The following SOX5 variants were observed in gnomAD, a reference collection of about 807,000 sequenced individuals.
SOX5 encodes the protein SRY-box transcription factor 5.
Under a neutral mutation model 92.0 loss-of-function variants are expected in SOX5, and 9 were observed. That is an observed-to-expected ratio of 0.10 (90% CI 0.06 to 0.17). The LOEUF (loss-of-function observed/expected upper bound fraction) is 0.17. SOX5 is among the 10% of genes least tolerant of loss of function. The pLI, the probability that SOX5 is intolerant of heterozygous loss-of-function variation, is 1.00. For synonymous variants in SOX5, 344 were observed against 336.3 expected, an observed-to-expected ratio of 1.02 and a Z score of -0.25; for missense variants, 642 against 944.5, an observed-to-expected ratio of 0.68 and a Z score of 4.20.
At chr12:24,524,361 A>G (rs1315991997) in intron 1 of SOX5, among the ~76,000 whole-genome samples, 1 of 151,652 alleles carries the variant, frequency 6.6e-6, no homozygotes, top group Non-Finnish European at 1.5e-5. Context: ...CTATCTATCT[A>G]TCTATCTATC....
intron 2 of SOX5, among the ~76,000 whole-genome samples, chr12:23,866,413 CTG>C (rs1264444690): frequency 6.6e-6 from 1 of 152,142 alleles, no homozygotes; most frequent in Non-Finnish European, 1.5e-5. Context: ...CAAAACAGCT[CTG>C]TGAGTGTTTT....
At chr12:23,539,980 T>C (rs1468797129) in intron 13 of SOX5, among the ~76,000 whole-genome samples, 1 of 152,060 alleles carries the variant, frequency 6.6e-6, no homozygotes, top group Non-Finnish European at 1.5e-5. Flanking sequence ...ACAAGTTTGG[T>C]TTTGATTTCA....
In SOX5 at chr12:24,393,171, A is replaced by G. The variant is rs1225367652; in HGVS notation, c.-250-24532T>C. Among the ~76,000 whole-genome samples the G allele has an allele frequency of 5.3e-5, 8 of 152,216 alleles. No homozygotes were observed. The highest frequency in any genetic ancestry group is 1.0e-4 in the Non-Finnish European group (7 of 68,036). On this transcript the variant is annotated intron_variant, in intron 1 of 4. Coordinates refer to the SOX5 transcript ENST00000446891. The surrounding 1 kb of genome is among the most constrained non-coding windows in gnomAD (Gnocchi z 5.0). ...ATACAGCAAAATTAGAAGCTGGCAA[A>G]AAAACAAACCCACTGCCTGGGGCAG...
At chr12:24,293,586 TA>T (rs148172995) in intron 2 of SOX5, among the ~76,000 whole-genome samples, 8 of 150,864 alleles carry the variant, frequency 5.3e-5, no homozygotes, top group African/African-American at 9.7e-5. Context: ...ATGCAGTTTA[TA>T]AAAAAAAAGG....
chr12:24,161,382 C>T (rs1952737733), intron 4 of SOX5, among the ~76,000 whole-genome samples: 1 of 152,136 alleles, frequency 6.6e-6, no homozygotes, highest in Middle Eastern at 3.4e-3. Context: ...TCACATAGGC[C>T]ATGTTTCACA....
chr12:24,542,520 C>T (rs1227717429), intron 1 of SOX5, among the ~76,000 whole-genome samples: 3 of 152,196 alleles, frequency 2.0e-5, no homozygotes, highest in Admixed American at 2.0e-4. Context: ...TGCTCCATTT[C>T]TTCTGCAAAA....
chr12:24,016,035 A>C (rs1430060913), intron 4 of SOX5, among the ~76,000 whole-genome samples: 1 of 152,210 alleles, frequency 6.6e-6, no homozygotes, highest in Non-Finnish European at 1.5e-5. Flanking sequence ...CATGAGGAAG[A>C]AAGGCCAAGG....
intron 7 of SOX5, among the ~76,000 whole-genome samples, chr12:23,654,453 G>T (rs569433012): frequency 1.4e-4 from 21 of 152,050 alleles, no homozygotes; most frequent in African/African-American, 4.6e-4. Flanking sequence ...GTATCCACTA[G>T]AAAATAAGAT....
intron 4 of SOX5, among the ~76,000 whole-genome samples, chr12:24,076,394 T>G (rs565003639): frequency 4.5e-4 from 69 of 152,238 alleles, no homozygotes; most frequent in Non-Finnish European, 8.5e-4. Flanking sequence ...TTTCAGAAAC[T>G]TCAATCAGAC....
chr12:24,553,592 G>A (rs570936748), intron 1 of SOX5, among the ~76,000 whole-genome samples: 2 of 152,340 alleles, frequency 1.3e-5, no homozygotes, highest in East Asian at 3.9e-4. Context: ...CTTCTAATTG[G>A]AAATGTTTTA....
At chr12:23,617,257 G>A (rs1212917058) in intron 8 of SOX5, among the ~76,000 whole-genome samples, 1 of 152,076 alleles carries the variant, frequency 6.6e-6, no homozygotes, top group African/African-American at 2.4e-5. Flanking sequence ...CATGCTTGGT[G>A]AAATAGGGGG....
intron 2 of SOX5, among the ~76,000 whole-genome samples, chr12:24,322,181 A>G (rs1950264186): frequency 6.6e-6 from 1 of 152,146 alleles, no homozygotes; most frequent in Non-Finnish European, 1.5e-5. Flanking sequence ...GCATTTTAGG[A>G]ATCTCATTCA....
intron 1 of SOX5, among the ~76,000 whole-genome samples, chr12:24,409,274 T>C (rs183338747): frequency 1.3e-5 from 2 of 151,174 alleles, no homozygotes; most frequent in South Asian, 2.1e-4. Context: ...TAAGTGGGAG[T>C]TGAACATTGA....
chr12:24,072,094 C>A (rs1226163455), intron 4 of SOX5, among the ~76,000 whole-genome samples: 1 of 152,128 alleles, frequency 6.6e-6, no homozygotes, highest in African/African-American at 2.4e-5. Flanking sequence ...TTCTATGGTT[C>A]TGAATCAAAC....
rs540937328 is a variant in SOX5 at position 23,814,109 on chromosome 12, G to C, written c.481+31874C>G. Among the ~76,000 whole-genome samples, 3 of 152,150 alleles carry C rather than the reference G, an allele frequency of 2.0e-5. No individual in the cohort carries two copies. The South Asian group carries it at 6.2e-4, about 32-fold the overall frequency. ...TTTGGCATTCAAAATTCCAAATAGA[G>C]ATTTTAGTGCTTGGTAAGTATTTTT... On this transcript the variant is annotated intron_variant, in intron 3 of 14. Transcript: ENST00000451604.
chr12:24,246,887 G>A (rs936100800), intron 3 of SOX5, among the ~76,000 whole-genome samples: 5 of 152,090 alleles, frequency 3.3e-5, no homozygotes, highest in African/African-American at 1.2e-4. Context: ...AAATGATAAA[G>A]GGAGAGGGGA....
chr12:24,411,850 G>A (rs1178813736), intron 1 of SOX5, among the ~76,000 whole-genome samples: 1 of 152,048 alleles, frequency 6.6e-6, no homozygotes, highest in Non-Finnish European at 1.5e-5. Flanking sequence ...ATTGTTTAGG[G>A]CTGGTTTCAA....
At position 24,464,237 on chromosome 12, in the gene SOX5, CACAA is replaced by C. The variant is rs551407758; in HGVS notation, c.-250-95602_-250-95599del. Among the ~76,000 whole-genome samples the C allele has an allele frequency of 4.6e-5, 7 of 152,274 alleles. No individual in the cohort carries two copies. The South Asian group carries it at 1.2e-3, about 27-fold the overall frequency. On this transcript the variant is annotated intron_variant, in intron 1 of 4. Transcript: ENST00000446891. Reference sequence around the variant, plus strand: ...GTATGTGTACACTCACCTACACACACACAAACACTGATATTCAGTGTTTTGAAAT... The same window carrying C: ...GTATGTGTACACTCACCTACACACACACACTGATATTCAGTGTTTTGAAAT...
chr12:23,693,202 C>T (rs947411864), intron 6 of SOX5, among the ~76,000 whole-genome samples: 23 of 152,164 alleles, frequency 1.5e-4, no homozygotes, highest in Admixed American at 9.2e-4. Flanking sequence ...CGGCTCACTG[C>T]AGTCTCTACC....
Sources: gnomAD v4.1 joint callset for allele counts (sites outside exome capture counted in the v4.1 genomes callset) on GRCh38, gnomAD v4.1.1 for gene constraint, Gnocchi (gnomAD v3.1) non-coding constraint, MANE v1.5 for transcripts, NCBI Gene and HGNC (gene_info 2026-07-23, HGNC 2026-07-21) for gene names.